The following HIVEP2 variants were observed in gnomAD, a reference collection of about 807,000 sequenced individuals.
HIVEP2 encodes HIVEP zinc finger 2.
A neutral mutation model predicts 180.7 loss-of-function variants in HIVEP2; 14 were observed. The ratio of observed to expected loss-of-function variants is 0.08; its 90% CI spans 0.05 to 0.12. The LOEUF is 0.12. Among genes scored for constraint, HIVEP2 ranks in the 10% least tolerant of loss-of-function variants. HIVEP2 has a pLI of 1.00. For missense variants in HIVEP2, 2,579 were observed against 3,008.5 expected (o/e 0.86, Z 3.34); for synonymous variants, 1,184 against 1,136.4 (o/e 1.04, Z -0.84).
At chr6:142,813,564 C>A (rs1390173780) in intron 2 of HIVEP2, among the ~76,000 whole-genome samples, 1 of 149,318 alleles carries the variant, frequency 6.7e-6, no homozygotes, top group Non-Finnish European at 1.5e-5. Flanking sequence ...GCTCCATCAT[C>A]AGTTCAGAGT....
chr6:142,932,251 T>G (rs1777957658), intron 1 of HIVEP2, among the ~76,000 whole-genome samples: 1 of 152,232 alleles, frequency 6.6e-6, no homozygotes, highest in Non-Finnish European at 1.5e-5. Context: ...CTACTTCATA[T>G]TCCCATATAT....
chr6:142,803,451 AC>A (rs1776464349), intron 2 of HIVEP2, among the ~76,000 whole-genome samples: 1 of 152,086 alleles, frequency 6.6e-6, no homozygotes, highest in African/African-American at 2.4e-5. Context: ...GATTTCACCT[AC>A]ACTACGTGGG....
intron 1 of HIVEP2, among the ~76,000 whole-genome samples, chr6:142,914,951 T>C (rs952157970): frequency 6.6e-6 from 1 of 152,164 alleles, no homozygotes; most frequent in Non-Finnish European, 1.5e-5. Flanking sequence ...AATTCAAATT[T>C]CATCTCCTCT....
At chr6:142,917,195 C>A (rs996045549) in intron 1 of HIVEP2, among the ~76,000 whole-genome samples, 1 of 152,186 alleles carries the variant, frequency 6.6e-6, no homozygotes, top group Non-Finnish European at 1.5e-5. Flanking sequence ...ATTTTACTAA[C>A]AGTTTCGTAT....
chr6:142,873,156 C>T (rs1776338062), intron 1 of HIVEP2, among the ~76,000 whole-genome samples: 1 of 152,208 alleles, frequency 6.6e-6, no homozygotes, highest in African/African-American at 2.4e-5. Flanking sequence ...ACAGACTCAC[C>T]TGCCTTCAAC....
chr6:142,829,286 C>T (rs985705150), intron 2 of HIVEP2, among the ~76,000 whole-genome samples: 2 of 152,108 alleles, frequency 1.3e-5, no homozygotes, highest in Non-Finnish European at 2.9e-5. Context: ...TGTTATGTTC[C>T]AAACATACCA....
chr6:142,848,537 T>C (rs1386019137), intron 1 of HIVEP2, among the ~76,000 whole-genome samples: 1 of 151,908 alleles, frequency 6.6e-6, no homozygotes, highest in Non-Finnish European at 1.5e-5. Flanking sequence ...CTGAGCAACA[T>C]AGTGAGACTC....
At chr6:142,928,551 T>C (rs1056611876) in intron 1 of HIVEP2, among the ~76,000 whole-genome samples, 1 of 152,230 alleles carries the variant, frequency 6.6e-6, no homozygotes, top group Non-Finnish European at 1.5e-5. Context: ...AAAGGTAACT[T>C]AGATTTCCCC....
chr6:142,839,949 C>A (rs908565104), intron 1 of HIVEP2, among the ~76,000 whole-genome samples: 2 of 152,130 alleles, frequency 1.3e-5, no homozygotes, highest in African/African-American at 4.8e-5. Flanking sequence ...GCCACTGTGC[C>A]TCTCATAGGC....
intron 6 of HIVEP2, 51 bp downstream of exon 6, chr6:142,768,331 T>C (rs369752653): frequency 3.7e-5 from 57 of 1,543,468 alleles, no homozygotes; most frequent in Non-Finnish European, 4.8e-5. Context: ...TTCTGGACCA[T>C]TTACTCTGAC....
chr6:142,777,284 C>T (rs1034988928), intron 3 of HIVEP2, among the ~76,000 whole-genome samples: 4 of 152,060 alleles, frequency 2.6e-5, no homozygotes, highest in African/African-American at 9.7e-5. Flanking sequence ...AAATAAAGTA[C>T]AGCTATAAGT....
At chr6:142,762,418 C>G (rs1375931364) in intron 7 of HIVEP2, among the ~76,000 whole-genome samples, 1 of 150,276 alleles carries the variant, frequency 6.7e-6, no homozygotes, top group Non-Finnish European at 1.5e-5. Flanking sequence ...AAACATTGTT[C>G]CAATCCTCGT....
In HIVEP2 at chr6:142,774,675, C is replaced by T. The variant is rs1176696558; in HGVS notation, c.64G>A (p.Ala22Thr). The stretch of plus-strand genomic sequence containing the variant: ...TGTTCCTGTCTCCATCTACCTGATG[C>T]TTTATCAGTTTCTCCAGACCTTGAG... The part of the protein sequence containing the change: ...ATSRSGETDK[A>T]SGRWRQEQSA... Residue 22 changes from alanine (A) to threonine (T), a missense_variant, in exon 5 of 10, where the codon GCA becomes ACA. Coordinates refer to ENST00000367603, the MANE Select transcript of HIVEP2 (RefSeq NM_006734.4). This position sits in a 1 kb window ranked among gnomAD's most constrained non-coding sequence, Gnocchi z 5.1. The T allele has an allele frequency of 1.4e-5, 23 of 1,614,158 alleles. No individual in the cohort carries two copies. Among genetic ancestry groups the T allele is most frequent in the Non-Finnish European group, 1.9e-5 (22 of 1,179,992 alleles).
At chr6:142,840,834 G>T (rs760008004) in intron 1 of HIVEP2, among the ~76,000 whole-genome samples, 3 of 152,050 alleles carry the variant, frequency 2.0e-5, no homozygotes, top group Admixed American at 6.6e-5. Flanking sequence ...GATTTCAAGA[G>T]ATTGAAATTA....
At chr6:142,858,748 C>T (rs914721377) in intron 1 of HIVEP2, among the ~76,000 whole-genome samples, 9 of 151,980 alleles carry the variant, frequency 5.9e-5, no homozygotes, top group South Asian at 2.1e-4. Context: ...CCCACCGCTA[C>T]GCCTGGCTGA....
At chr6:142,834,820 G>A (rs1775183834) in intron 2 of HIVEP2, among the ~76,000 whole-genome samples, 1 of 151,636 alleles carries the variant, frequency 6.6e-6, no homozygotes. Context: ...TTTATTATTT[G>A]TAAAAAAAGT....
chr6:142,893,053 C>A (rs1776899546), intron 1 of HIVEP2, among the ~76,000 whole-genome samples: 1 of 152,200 alleles, frequency 6.6e-6, no homozygotes, highest in South Asian at 2.1e-4. Context: ...CTCAATAAAT[C>A]ATTCTCATGA....
intron 1 of HIVEP2, among the ~76,000 whole-genome samples, chr6:142,902,224 T>G (rs763756325): frequency 6.6e-6 from 1 of 152,172 alleles, no homozygotes; most frequent in Non-Finnish European, 1.5e-5. Context: ...CATAACCAAG[T>G]GATCAAAGTT....
rs6927866 is a variant in HIVEP2 at position 142,752,496 on chromosome 6, T to C, written c.*611A>G. On this transcript the variant is annotated 3_prime_UTR_variant, in exon 10 of 10. Transcript: ENST00000367603. ...TGCATAAGTGCAGAATAAGATACTC[T>C]AGTTTAAATATCTTGTTTACAATGT... 3.3e-5 allele frequency: 5 copies of C among 152,972 alleles called. No individual in the cohort carries two copies. Among genetic ancestry groups the C allele is most frequent in the African/African-American group, 7.2e-5 (3 of 41,586 alleles). 9.5% of individuals were successfully genotyped at this position (152,972 alleles called of 1,614,324 possible).
Sources: allele counts gnomAD v4.1 joint callset (sites outside exome capture counted in the v4.1 genomes callset), GRCh38; gene constraint gnomAD v4.1.1; non-coding constraint Gnocchi (gnomAD v3.1); transcripts MANE v1.5; gene names NCBI Gene and HGNC (gene_info 2026-07-23, HGNC 2026-07-21).